Variants in TSPAN9 observed in about 807,000 individuals in gnomAD.
TSPAN9 encodes tetraspanin-9.
TSPAN9 carries 16 observed loss-of-function variants against 31.0 expected under a neutral mutation model. The ratio of observed to expected loss-of-function variants is 0.52; its 90% CI spans 0.35 to 0.78. TSPAN9 has a LOEUF of 0.78. Among genes scored for constraint, TSPAN9 ranks in the 30% least tolerant of loss-of-function variants. The pLI is 0.01. For missense variants in TSPAN9, 272 were observed against 312.5 expected, an observed-to-expected ratio of 0.87 and a Z score of 0.98; for synonymous variants, 145 against 121.6, an observed-to-expected ratio of 1.19 and a Z score of -1.27.
chr12:3,239,163 G>A (rs2098395325), intron 3 of TSPAN9, among the ~76,000 whole-genome samples: 1 of 150,934 alleles, frequency 6.6e-6, no homozygotes, highest in East Asian at 1.9e-4. Context: ...GCGTAGAGGG[G>A]TGCCTGGTGG....
At chr12:3,223,433 G>A (rs1291071639) in intron 3 of TSPAN9, among the ~76,000 whole-genome samples, 5 of 152,200 alleles carry the variant, frequency 3.3e-5, no homozygotes, top group East Asian at 1.9e-4. Context: ...CAGGGACCTC[G>A]TTTGTTCCAG....
intron 3 of TSPAN9, among the ~76,000 whole-genome samples, chr12:3,250,011 T>G (rs473048): frequency 0.37 from 56,729 of 152,082 alleles, 11,668 homozygotes; most frequent in Middle Eastern, 0.47. Flanking sequence ...TTTCTTTGAA[T>G]AAATTAGGAC....
chr12:3,091,168 A>C (rs1450376177), intron 2 of TSPAN9, among the ~76,000 whole-genome samples: 1 of 152,236 alleles, frequency 6.6e-6, no homozygotes. Flanking sequence ...CCGGCCTTCC[A>C]GGCCCAGGCG....
chr12:3,133,247 C>T (rs1296606689), intron 2 of TSPAN9, among the ~76,000 whole-genome samples: 2 of 152,188 alleles, frequency 1.3e-5, no homozygotes, highest in South Asian at 2.1e-4. Context: ...GGGGTCCTCT[C>T]CTCCCACTTC....
chr12:3,206,339 G>A (rs752520128), intron 3 of TSPAN9: 79 of 456,070 alleles, frequency 1.7e-4, no homozygotes, highest in African/African-American at 1.0e-3. Flanking sequence ...CAGTTTTCTC[G>A]TGCCAGGAAG....
chr12:3,204,531 T>C (rs907114038), intron 3 of TSPAN9, among the ~76,000 whole-genome samples: 3 of 152,044 alleles, frequency 2.0e-5, no homozygotes, highest in Admixed American at 6.5e-5. Context: ...GGGGTCCAGG[T>C]CTGCTCCTGA....
intron 2 of TSPAN9, among the ~76,000 whole-genome samples, chr12:3,178,991 G>A (rs1429643573): frequency 1.3e-5 from 2 of 152,228 alleles, no homozygotes; most frequent in African/African-American, 2.4e-5. Context: ...CTGGGAGGGC[G>A]GAGGAATGAG....
rs2098387865 is a variant in TSPAN9 at position 3,226,773 on chromosome 12, TATA to T, written c.63+25518_63+25520del. Among the ~76,000 whole-genome samples, 2 of 5,486 alleles carry T rather than the reference TATA, an allele frequency of 3.6e-4. 1 individual carries two copies. The highest frequency in any genetic ancestry group is 1.2e-3 in the African/African-American group (2 of 1,678). The allele number at this position is 5,486 out of a possible 152,430, so 3.6% of individuals were successfully genotyped here. ...ATATATATATATATATATATATATA[TATA>T]TATATATATATATATATATTTTTTT... On this transcript the variant is annotated intron_variant, in intron 3 of 8. Coordinates refer to ENST00000011898, the MANE Select transcript of TSPAN9 (RefSeq NM_006675.5).
intron 2 of TSPAN9, among the ~76,000 whole-genome samples, chr12:3,179,054 G>C (rs1387084960): frequency 6.6e-6 from 1 of 152,162 alleles, no homozygotes; most frequent in African/African-American, 2.4e-5. Context: ...ACAATGCTGG[G>C]CCCAGGATGC....
chr12:3,175,203 C>G (rs1317132474), intron 2 of TSPAN9, among the ~76,000 whole-genome samples: 2 of 152,168 alleles, frequency 1.3e-5, no homozygotes, highest in African/African-American at 4.8e-5. Flanking sequence ...ACCTGGCAAG[C>G]AGGAGTGCGC....
chr12:3,237,647 C>G (rs551970160), intron 3 of TSPAN9, among the ~76,000 whole-genome samples: 1 of 152,338 alleles, frequency 6.6e-6, no homozygotes, highest in South Asian at 2.1e-4. Flanking sequence ...GGGCTGGAAT[C>G]GAAAACCTGA....
chr12:3,090,527 C>T (rs940020704), intron 2 of TSPAN9, among the ~76,000 whole-genome samples: 4 of 152,250 alleles, frequency 2.6e-5, no homozygotes, highest in African/African-American at 7.2e-5. Context: ...ACTAGCCTTT[C>T]AGGTGAAAAC....
At chr12:3,106,272 C>A (rs932255161) in intron 2 of TSPAN9, among the ~76,000 whole-genome samples, 5 of 152,206 alleles carry the variant, frequency 3.3e-5, no homozygotes, top group Non-Finnish European at 7.3e-5. Flanking sequence ...GTGGTGGAGT[C>A]CCACAATAAT....
chr12:3,278,599 G>T lies in TSPAN9; in HGVS notation c.242G>T (p.Cys81Phe). ...CTGGGGGCCATCAAGGAAAACAAGTGCCTCCTCCTCAGCGTAAGTTCTGTC... is the reference window on the plus strand; with the variant it reads ...CTGGGGGCCATCAAGGAAAACAAGTTCCTCCTCCTCAGCGTAAGTTCTGTC... Reference protein sequence around the residue: ...GCLGAIKENKCLLLSFFIVLL... With the variant: ...GCLGAIKENKFLLLSFFIVLL... Residue 81 changes from cysteine to phenylalanine, a missense_variant, in exon 4 of 9, where the codon TGC becomes TTC. Cys to Phe is a radical substitution (Grantham distance 205). Transcript: ENST00000011898. The T allele has an allele frequency of 1.2e-6, 2 of 1,614,058 alleles. No individual in the cohort carries two copies. Among genetic ancestry groups the T allele is most frequent in the Non-Finnish European group, 1.7e-6 (2 of 1,179,994 alleles).
chr12:3,239,043 T>C (rs1260258644), intron 3 of TSPAN9, among the ~76,000 whole-genome samples: 1 of 152,222 alleles, frequency 6.6e-6, no homozygotes, highest in Non-Finnish European at 1.5e-5. Flanking sequence ...GAGGGTGCCC[T>C]GATTCATCCC....
At chr12:3,141,547 C>T (rs1217657442) in intron 2 of TSPAN9, among the ~76,000 whole-genome samples, 2 of 152,144 alleles carry the variant, frequency 1.3e-5, no homozygotes, top group East Asian at 3.9e-4. Context: ...GACCCCGTCA[C>T]CCAGTGGCCT....
chr12:3,194,734 A>G (rs576581130), intron 2 of TSPAN9, among the ~76,000 whole-genome samples: 231 of 152,288 alleles, frequency 1.5e-3, no homozygotes, highest in Non-Finnish European at 2.6e-3. Flanking sequence ...AAACAGATTA[A>G]AAACAAGTAA....
intron 3 of TSPAN9, among the ~76,000 whole-genome samples, chr12:3,225,821 GAGAGAGGTGGACTCCCT>G (rs1434559528): frequency 2.0e-5 from 3 of 152,012 alleles, no homozygotes; most frequent in Admixed American, 6.5e-5. Context: ...CCACCAGGCT[GAGAGAGGTGGACTCCCT>G]AGAGAGGTGG....
At position 3,279,010 on chromosome 12, in the gene TSPAN9, G is replaced by T. The variant is rs1036223209; in HGVS notation, c.274G>T (p.Val92Phe). 1.2e-6 allele frequency: 2 copies of T among 1,614,112 alleles called. No individual in the cohort carries two copies. The highest frequency in any genetic ancestry group is 1.7e-6 in the Non-Finnish European group (2 of 1,180,018). The change falls in exon 5 of 9, where the codon GTC (valine) becomes TTC (phenylalanine). Residue 92 changes from valine to phenylalanine, a missense_variant. Val to Phe is a conservative substitution (Grantham distance 50, BLOSUM62 -1). Transcript: ENST00000011898. ...TTTCCAGTTTTTCATCGTCCTGTTG[G>T]TCATCCTCCTAGCAGAGCTGATCTT... ...LLLSFFIVLL[V>F]ILLAELILLI...
Sources: allele counts gnomAD v4.1 joint callset (sites outside exome capture counted in the v4.1 genomes callset), GRCh38; gene constraint gnomAD v4.1.1; transcripts MANE v1.5; gene names NCBI Gene and HGNC (gene_info 2026-07-23, HGNC 2026-07-21).